The following LRRK1 variants were observed in gnomAD, a reference collection of about 807,000 sequenced individuals.
LRRK1 encodes leucine-rich repeat serine/threonine-protein kinase 1.
In LRRK1, 113 loss-of-function variants were observed where a neutral mutation model predicts 209.1. The observed-to-expected ratio is 0.54, with a 90% confidence interval of 0.46 to 0.63. LRRK1 has a LOEUF of 0.63. LRRK1 is among the 30% of genes least tolerant of loss of function. The probability of loss-of-function intolerance (pLI) is 0.00; values close to 1 mark genes in which losing one functional copy is unlikely to be tolerated. For missense variants in LRRK1, 2,284 were observed against 2,632.2 expected (o/e 0.87, Z 2.89); for synonymous variants, 1,144 against 1,099.7 (o/e 1.04, Z -0.80).
At chr15:100,997,015 A>C (rs1350796982) in intron 6 of LRRK1, among the ~76,000 whole-genome samples, 1 of 152,126 alleles carries the variant, frequency 6.6e-6, no homozygotes, top group Non-Finnish European at 1.5e-5. Flanking sequence ...ATTCTAGACA[A>C]GTTAGCGTTA....
intron 6 of LRRK1, among the ~76,000 whole-genome samples, chr15:101,003,755 C>T (rs55759655): frequency 3.9e-5 from 6 of 152,044 alleles, no homozygotes; most frequent in African/African-American, 1.4e-4. Flanking sequence ...TCTCTATCTC[C>T]TTCAGGATGA....
intron 20 of LRRK1, among the ~76,000 whole-genome samples, chr15:101,033,005 G>C (rs1319509114): frequency 6.6e-6 from 1 of 152,152 alleles, no homozygotes; most frequent in Non-Finnish European, 1.5e-5. Context: ...TTTTCTGGAG[G>C]CCAGAAGTCC....
intron 11 of LRRK1, among the ~76,000 whole-genome samples, chr15:101,014,990 G>A (rs907579571): frequency 4.6e-5 from 7 of 152,224 alleles, no homozygotes; most frequent in Non-Finnish European, 8.8e-5. Flanking sequence ...TGAAATGGAC[G>A]TGGAATTGAA....
chr15:101,010,949 G>GCTTC lies in LRRK1; in HGVS notation c.1281+112_1281+113insCTTC. On this transcript the variant is annotated intron_variant, in intron 9 of 33. Transcript: ENST00000388948. ...TTCATCCCCTCAGCAGCGAAGCCGG[G>GCTTC]TAGAAGGGCCCGGTTCCCACATTGT... The GCTTC allele has an allele frequency of 3.3e-6, 3 of 912,296 alleles. No individual in the cohort carries two copies. In the South Asian group the frequency reaches 5.2e-5, roughly 16 times the overall value. The allele number at this position is 912,296 out of a possible 1,614,324, so 56.5% of individuals were successfully genotyped here. A position where few individuals can be genotyped will look rare whatever the true frequency, so the allele number is the denominator to read the frequency against.
At chr15:101,007,352 C>G (rs2033009547) in intron 6 of LRRK1, among the ~76,000 whole-genome samples, 1 of 152,154 alleles carries the variant, frequency 6.6e-6, no homozygotes, top group Admixed American at 6.6e-5. Flanking sequence ...GATTTCTTCT[C>G]CCCAGAAACC....
intron 3 of LRRK1, among the ~76,000 whole-genome samples, chr15:100,981,167 G>A (rs565209981): frequency 2.0e-5 from 3 of 152,264 alleles, no homozygotes; most frequent in Admixed American, 1.3e-4. Context: ...GGAGCCTCCA[G>A]CCAGAAAGCC....
intron 2 of LRRK1, among the ~76,000 whole-genome samples, chr15:100,933,135 A>G (rs1378283257): frequency 6.6e-6 from 1 of 152,052 alleles, no homozygotes; most frequent in African/African-American, 2.4e-5. Context: ...GGGCATCTTT[A>G]TTTTGCCCTC....
At chr15:100,925,541 G>T (rs1464824902) in intron 2 of LRRK1, among the ~76,000 whole-genome samples, 1 of 152,144 alleles carries the variant, frequency 6.6e-6, no homozygotes, top group Admixed American at 6.5e-5. Context: ...CTGTAATGCA[G>T]GTTTACAGAA....
chr15:100,926,630 T>A (rs1261846637), intron 2 of LRRK1, among the ~76,000 whole-genome samples: 1 of 151,682 alleles, frequency 6.6e-6, no homozygotes, highest in Admixed American at 6.6e-5. Context: ...GCATGGGTAA[T>A]TTTTTCTTTT....
chr15:101,058,086 T>A lies in LRRK1; in HGVS notation c.4624T>A (p.Ser1542Thr). 4 of 1,614,166 alleles carry A rather than the reference T, an allele frequency of 2.5e-6. No individual in the cohort carries two copies. Among genetic ancestry groups the A allele is most frequent in the Non-Finnish European group, 3.4e-6 (4 of 1,180,028 alleles). The change falls in exon 29 of 34, where the codon TCA becomes ACA. Residue 1542 changes from serine to threonine, a missense_variant. By Grantham distance (58) the Ser-to-Thr change is moderately conservative. Around this residue, in one of 6 missense-constraint regions of LRRK1, gnomAD observed 643 missense variants for 695.9 expected, o/e 0.92. Coordinates refer to ENST00000388948, the MANE Select transcript of LRRK1 (RefSeq NM_024652.6). ...CTGTGGGAAGCAGACAGCCTTCTTC[T>A]CATCCCAGGGCCAGGAGTACACCGT... ...LCCGKQTAFF[S>T]SQGQEYTVVF...
intron 29 of LRRK1, among the ~76,000 whole-genome samples, chr15:101,059,895 G>A (rs908687283): frequency 2.6e-5 from 4 of 152,174 alleles, no homozygotes; most frequent in Non-Finnish European, 5.9e-5. Context: ...CAAGGACATC[G>A]TCAGACTTCT....
chr15:100,929,205 A>G (rs1163176764), intron 2 of LRRK1, among the ~76,000 whole-genome samples: 1 of 152,164 alleles, frequency 6.6e-6, no homozygotes, highest in Non-Finnish European at 1.5e-5. Context: ...GGTGGAGAAT[A>G]CTTGGGAAGA....
At chr15:101,004,879 A>C (rs1304080871) in intron 6 of LRRK1, among the ~76,000 whole-genome samples, 1 of 152,316 alleles carries the variant, frequency 6.6e-6, no homozygotes, top group East Asian at 1.9e-4. Context: ...TGTTACAGTA[A>C]TAATTTGATT....
At chr15:101,063,246 G>C (rs1361331169) in intron 31 of LRRK1, among the ~76,000 whole-genome samples, 3 of 152,118 alleles carry the variant, frequency 2.0e-5, no homozygotes, top group Non-Finnish European at 2.9e-5. Flanking sequence ...CCCCATTAAA[G>C]GCCCAGCCAG....
intron 2 of LRRK1, among the ~76,000 whole-genome samples, chr15:100,963,292 A>C (rs1236140732): frequency 1.3e-5 from 2 of 152,090 alleles, no homozygotes; most frequent in African/African-American, 4.8e-5. Flanking sequence ...CGAGCCCCTT[A>C]TTCTGAAGCA....
In LRRK1 at chr15:100,992,912, C is replaced by T. The variant is rs535052864; in HGVS notation, c.762+3514C>T. Among the ~76,000 whole-genome samples the T allele has an allele frequency of 2.8e-4, 42 of 152,274 alleles. 1 individual carries two copies. The South Asian group carries it at 6.2e-3, about 23-fold the overall frequency. On this transcript the variant is annotated intron_variant, in intron 6 of 33. Transcript: ENST00000388948. ...TTGACCTCAGGTGATCCACCCGCCT[C>T]GGCCTCCCAAAGTGGTGGGATTACA...
At position 101,071,294 on chromosome 15, in the gene LRRK1, G is replaced by A. The variant is rs1328467715; in HGVS notation, c.*2446G>A. 3.9e-5 allele frequency: 6 copies of A among 152,208 alleles called. No homozygotes were observed. Among genetic ancestry groups the A allele is most frequent in the Non-Finnish European group, 8.8e-5 (6 of 68,046 alleles). 9.4% of individuals were successfully genotyped at this position (152,208 alleles called of 1,614,324 possible). On this transcript the variant is annotated 3_prime_UTR_variant, in exon 34 of 34. Transcript: ENST00000388948. Reference sequence around the variant, plus strand: ...CTTACCACCCTCATGTTGGCAGAGGGTGGTAACCAGCCAGCATCTCCTTCT... The same window carrying A: ...CTTACCACCCTCATGTTGGCAGAGGATGGTAACCAGCCAGCATCTCCTTCT...
At chr15:101,016,487 C>T (rs1182794996) in intron 12 of LRRK1, among the ~76,000 whole-genome samples, 1 of 151,648 alleles carries the variant, frequency 6.6e-6, no homozygotes, top group Non-Finnish European at 1.5e-5. Context: ...CGCCCGGCCC[C>T]TCTTCTTATA....
intron 22 of LRRK1, 102 bp from the exon 23 acceptor site, chr15:101,049,542 C>A: frequency 7.2e-7 from 1 of 1,386,586 alleles, no homozygotes. Context: ...AGAGTCTCTC[C>A]AGGTCCCCGG....
Sources: allele counts gnomAD v4.1 joint callset (sites outside exome capture counted in the v4.1 genomes callset), GRCh38; gene constraint gnomAD v4.1.1; regional missense constraint gnomAD v4.1.1; transcripts MANE v1.5; gene names NCBI Gene and HGNC (gene_info 2026-07-23, HGNC 2026-07-21).